The following SORCS1 variants were observed in gnomAD, a reference collection of about 807,000 sequenced individuals.
SORCS1 encodes the protein sortilin related VPS10 domain containing receptor 1.
SORCS1 carries 60 observed loss-of-function variants against 146.1 expected under a neutral mutation model. That is an observed-to-expected ratio of 0.41 (90% CI 0.33 to 0.51). SORCS1 has a LOEUF of 0.51. Ranked by LOEUF, SORCS1 falls within the 20% of genes least tolerant of loss-of-function variation. The pLI, the probability that SORCS1 is intolerant of heterozygous loss-of-function variation, is 0.21. For synonymous variants in SORCS1, 637 were observed against 584.0 expected (o/e 1.09, Z -1.31); for missense variants, 1,352 against 1,487.6 (o/e 0.91, Z 1.50).
chr10:106,822,873 C>G (rs1948122527), intron 3 of SORCS1, among the ~76,000 whole-genome samples: 1 of 150,720 alleles, frequency 6.6e-6, no homozygotes, highest in African/African-American at 2.5e-5. Context: ...CTCCACCTCC[C>G]AGGTTCAAGT....
At chr10:107,073,508 T>G (rs1962617550) in intron 1 of SORCS1, among the ~76,000 whole-genome samples, 2 of 152,148 alleles carry the variant, frequency 1.3e-5, no homozygotes, top group Non-Finnish European at 2.9e-5. Context: ...TAACAACTAC[T>G]ACATACTGAA....
chr10:106,931,952 C>A (rs1043613487), intron 2 of SORCS1, among the ~76,000 whole-genome samples: 2 of 152,140 alleles, frequency 1.3e-5, no homozygotes, highest in African/African-American at 4.8e-5. Context: ...AAAAATATCT[C>A]ATGGGGAAAA....
intron 14 of SORCS1, among the ~76,000 whole-genome samples, chr10:106,674,763 A>G (rs955099977): frequency 2.6e-5 from 4 of 152,212 alleles, no homozygotes; most frequent in African/African-American, 9.7e-5. Flanking sequence ...GATTTTCTAC[A>G]TATCCAGGTT....
At chr10:106,675,261 C>T (rs1851939282) in intron 13 of SORCS1, 105 bp from the exon 14 acceptor site, 3 of 806,992 alleles carry the variant, frequency 3.7e-6, no homozygotes, top group Admixed American at 2.9e-5. Context: ...TTAAAAGTAG[C>T]TGAGATTTTG....
chr10:106,829,388 A>G (rs1564707018), intron 3 of SORCS1, among the ~76,000 whole-genome samples, 186 bp downstream of exon 3: 1 of 152,152 alleles, frequency 6.6e-6, no homozygotes, highest in Non-Finnish European at 1.5e-5. Flanking sequence ...ACCCTCTTAC[A>G]TTCACAGCTG....
At chr10:107,147,787 G>T (rs1451208891) in intron 1 of SORCS1, among the ~76,000 whole-genome samples, 1 of 152,112 alleles carries the variant, frequency 6.6e-6, no homozygotes, top group Non-Finnish European at 1.5e-5. Flanking sequence ...AAAAATAAAT[G>T]AAATGAAGCC....
At chr10:106,737,659 G>A (rs5017787) in intron 5 of SORCS1, among the ~76,000 whole-genome samples, 118,074 of 151,550 alleles carry the variant, frequency 0.78, 46,945 homozygotes, top group Non-Finnish European at 0.87. Flanking sequence ...CAGGAGGCAG[G>A]GGTTGCAGTG....
At chr10:106,962,467 T>G (rs1955280123) in intron 1 of SORCS1, among the ~76,000 whole-genome samples, 1 of 151,088 alleles carries the variant, frequency 6.6e-6, no homozygotes, top group South Asian at 2.1e-4. Flanking sequence ...CACTCTTCAA[T>G]TAATAATAAT....
intron 21 of SORCS1, among the ~76,000 whole-genome samples, chr10:106,617,106 C>T (rs542848844): frequency 6.6e-6 from 1 of 152,170 alleles, no homozygotes; most frequent in African/African-American, 2.4e-5. Flanking sequence ...AGGCATGTTC[C>T]ACCATGCCTG....
chr10:106,599,571 A>G (rs572909448), intron 23 of SORCS1, among the ~76,000 whole-genome samples: 95 of 152,312 alleles, frequency 6.2e-4, no homozygotes, highest in African/African-American at 1.9e-3. Context: ...ATACACACAC[A>G]TACATGCACA....
At chr10:106,661,344 G>T (rs770114633) in intron 17 of SORCS1, among the ~76,000 whole-genome samples, 1 of 152,182 alleles carries the variant, frequency 6.6e-6, no homozygotes, top group East Asian at 1.9e-4. Flanking sequence ...ACGTGCTTTG[G>T]TGTACAGTGC....
intron 1 of SORCS1, among the ~76,000 whole-genome samples, chr10:107,140,378 T>A (rs113157337): frequency 6.6e-6 from 1 of 152,372 alleles, no homozygotes; most frequent in South Asian, 2.1e-4. Context: ...TGCAGTTTTA[T>A]TGTCAGCAAT....
At chr10:106,597,945 C>T (rs1846003091) in intron 23 of SORCS1, among the ~76,000 whole-genome samples, 2 of 152,076 alleles carry the variant, frequency 1.3e-5, no homozygotes, top group Admixed American at 6.5e-5. Flanking sequence ...ACAGCCACAA[C>T]GTAAGTAACA....
At chr10:106,642,119 G>C (rs1589544998) in intron 18 of SORCS1, among the ~76,000 whole-genome samples, 1 of 152,206 alleles carries the variant, frequency 6.6e-6, no homozygotes, top group East Asian at 1.9e-4. Flanking sequence ...ATTACATGGA[G>C]AGGTTTGTAT....
At chr10:107,115,276 A>G (rs926497486) in intron 1 of SORCS1, among the ~76,000 whole-genome samples, 6 of 152,040 alleles carry the variant, frequency 3.9e-5, no homozygotes, top group African/African-American at 1.4e-4. Context: ...ATATGGAACT[A>G]CAAAAGACCT....
intron 19 of SORCS1, among the ~76,000 whole-genome samples, chr10:106,624,089 C>T (rs986470303): frequency 6.6e-6 from 1 of 152,056 alleles, no homozygotes; most frequent in African/African-American, 2.4e-5. Context: ...AAGGAGGGTG[C>T]TGAATGCATA....
intron 1 of SORCS1, among the ~76,000 whole-genome samples, chr10:107,091,621 T>C (rs534939280): frequency 6.6e-6 from 1 of 152,298 alleles, no homozygotes; most frequent in South Asian, 2.1e-4. Context: ...CATTTGCTGC[T>C]ACATTAAGGA....
At chr10:106,657,025 C>T (rs1170156409) in intron 17 of SORCS1, among the ~76,000 whole-genome samples, 4 of 152,068 alleles carry the variant, frequency 2.6e-5, no homozygotes, top group Admixed American at 6.6e-5. Context: ...ATTAGTACCA[C>T]GTCTATGGAA....
chr10:106,621,865 A>G (rs1341650698), intron 19 of SORCS1, among the ~76,000 whole-genome samples: 1 of 152,104 alleles, frequency 6.6e-6, no homozygotes, highest in Non-Finnish European at 1.5e-5. Context: ...GCACGTTCTC[A>G]CTTATCTTCC....
Sources: allele counts gnomAD v4.1 joint callset (sites outside exome capture counted in the v4.1 genomes callset), GRCh38; gene constraint gnomAD v4.1.1; transcripts MANE v1.5; gene names NCBI Gene and HGNC (gene_info 2026-07-23, HGNC 2026-07-21).